IMPG2: variants seen among roughly 807,000 people sequenced by gnomAD.
The protein encoded by IMPG2 is IPM 200.
Under a neutral mutation model 129.2 loss-of-function variants are expected in IMPG2, and 91 were observed. That is an observed-to-expected ratio of 0.70 (90% CI 0.59 to 0.84). The LOEUF (loss-of-function observed/expected upper bound fraction) is 0.84, where lower values mean the gene tolerates loss of function less well. IMPG2 is among the 40% of genes least tolerant of loss of function. The pLI is 0.00. For synonymous variants in IMPG2, 510 were observed against 517.7 expected (o/e 0.99, Z 0.20); for missense variants, 1,430 against 1,461.7 (o/e 0.98, Z 0.35).
intron 7 of IMPG2, among the ~76,000 whole-genome samples, chr3:101,271,787 A>G (rs1287196285): frequency 4.6e-5 from 7 of 152,226 alleles, no homozygotes; most frequent in African/African-American, 1.7e-4. Flanking sequence ...TAGAAGAAGG[A>G]GTACTTTGAA....
chr3:101,254,620 G>A (rs1706579547), intron 10 of IMPG2, among the ~76,000 whole-genome samples: 1 of 151,994 alleles, frequency 6.6e-6, no homozygotes, highest in Admixed American at 6.6e-5. Flanking sequence ...GAGATATCAA[G>A]CAAAAGTCAA....
Position 101,260,504 on chromosome 3 carries a change from C to T in IMPG2, c.909-2731G>A, listed in dbSNP as rs763358102. The stretch of plus-strand genomic sequence containing the variant: ...AATAAAACAATAAGAGGGTCACCTA[C>T]CGATCAGAACTCACCACACCATAGT... On this transcript the variant is annotated intron_variant, in intron 9 of 18. Coordinates refer to ENST00000193391, the MANE Select transcript of IMPG2 (RefSeq NM_016247.4). Among the ~76,000 whole-genome samples the T allele has an allele frequency of 5.9e-5, 9 of 152,290 alleles. No individual in the cohort carries two copies. The South Asian group carries it at 1.0e-3, about 18-fold the overall frequency.
chr3:101,249,976 C>T (rs115118117), intron 11 of IMPG2, among the ~76,000 whole-genome samples: 1,693 of 152,150 alleles, frequency 0.011, 34 homozygotes, highest in African/African-American at 0.039. Flanking sequence ...ACTCTGGAGG[C>T]TGAGGCAGGA....
At position 101,242,927 on chromosome 3, in the gene IMPG2, T is replaced by A; in HGVS notation, c.2803-20A>T. ...AACCAGCTACAATATACAAAAGTGG[T>A]AAGTTTATTGACAGCGTGTCACATT... On this transcript the variant is annotated intron_variant, in intron 13 of 18. Transcript: ENST00000193391. The A allele has an allele frequency of 6.3e-7, 1 of 1,597,036 alleles. No individual in the cohort carries two copies. The highest frequency in any genetic ancestry group is 1.1e-5 in the South Asian group (1 of 90,712).
At chr3:101,246,766 G>C (rs1706482780) in intron 11 of IMPG2, among the ~76,000 whole-genome samples, 1 of 152,116 alleles carries the variant, frequency 6.6e-6, no homozygotes, top group Admixed American at 6.6e-5. Flanking sequence ...CACAATCCTT[G>C]AACATGTTAA....
chr3:101,267,437 T>C (rs1362983543), intron 9 of IMPG2, 74 bp downstream of exon 9: 2 of 1,241,292 alleles, frequency 1.6e-6, no homozygotes, highest in Non-Finnish European at 2.4e-6. Context: ...TATGCTCCCC[T>C]GGACCTACGG....
At position 101,243,474 on chromosome 3, in the gene IMPG2, G is replaced by A. The variant is rs921557921; in HGVS notation, c.2802+55C>T. On this transcript the variant is annotated intron_variant, in intron 13 of 18. Transcript: ENST00000193391. ...GACCTTATGTGCTAGAGGGGAGGAG[G>A]AGTCGGTCATACATGATTATTCACT... 12 of 1,474,168 alleles carry A rather than the reference G, an allele frequency of 8.1e-6. No individual in the cohort carries two copies. In the South Asian group the frequency reaches 9.2e-5, roughly 11 times the overall value. 91.3% of individuals were successfully genotyped at this position (1,474,168 alleles called of 1,614,324 possible).
intron 15 of IMPG2, 28 bp downstream of exon 15, chr3:101,232,753 A>G (rs1706303222): frequency 3.7e-6 from 6 of 1,601,040 alleles, no homozygotes; most frequent in African/African-American, 1.3e-5. Context: ...TATAGCCTCT[A>G]AAGTCAAAAT....
chr3:101,231,169 C>T (rs770024660), intron 15 of IMPG2, 24 bp from the exon 16 acceptor site: 14 of 1,611,026 alleles, frequency 8.7e-6, no homozygotes, highest in Middle Eastern at 1.7e-4. Context: ...TCACCAAGTC[C>T]GATATCTGAA....
chr3:101,307,372 G>C lies in IMPG2; in HGVS notation c.335-3060C>G, dbSNP rs570479967. Among the ~76,000 whole-genome samples the C allele has an allele frequency of 5.3e-5, 8 of 152,270 alleles. No homozygotes were observed. The South Asian group carries it at 1.0e-3, about 20-fold the overall frequency. On this transcript the variant is annotated intron_variant, in intron 2 of 18. Transcript: ENST00000193391. Reference sequence around the variant, plus strand: ...TCCTATTGTATTAGTCCATTCTCATGCTGCTATGAAGAAATGCCCAAGACT... The same window carrying C: ...TCCTATTGTATTAGTCCATTCTCATCCTGCTATGAAGAAATGCCCAAGACT...
At chr3:101,234,157 A>T (rs914851939) in intron 14 of IMPG2, among the ~76,000 whole-genome samples, 4 of 148,946 alleles carry the variant, frequency 2.7e-5, no homozygotes, top group Non-Finnish European at 5.9e-5. Flanking sequence ...TATGTAATCA[A>T]GTTAAGAAGA....
Position 101,300,367 on chromosome 3 carries a change from T to A in IMPG2, c.501+3779A>T, listed in dbSNP as rs1423701042. ...TCCCAGTGTTGGCTGTAGCCCCTCC[T>A]GCAAAGGAGTTCAAAGGGCTTAGAC... is the stretch of plus-strand genomic sequence containing the variant. On this transcript the variant is annotated intron_variant, in intron 3 of 18. Transcript: ENST00000193391. Among the ~76,000 whole-genome samples the A allele has an allele frequency of 2.0e-5, 3 of 152,196 alleles. No homozygotes were observed. In the East Asian group the frequency reaches 5.8e-4, roughly 29 times the overall value.
intron 4 of IMPG2, among the ~76,000 whole-genome samples, chr3:101,280,113 C>A (rs1441855815): frequency 6.6e-6 from 1 of 152,192 alleles, no homozygotes; most frequent in South Asian, 2.1e-4. Context: ...TAATAACATA[C>A]AACCCCTTAC....
intron 3 of IMPG2, 118 bp downstream of exon 3, chr3:101,304,028 C>T (rs775229322): frequency 1.9e-6 from 2 of 1,055,334 alleles, no homozygotes; most frequent in African/African-American, 3.1e-5. Context: ...CTCAGATAGC[C>T]CAATTCAACA....
At chr3:101,247,416 G>A (rs146906885) in intron 11 of IMPG2, among the ~76,000 whole-genome samples, 2,122 of 152,228 alleles carry the variant, frequency 0.014, 57 homozygotes, top group South Asian at 0.079. Context: ...TGATCAACAT[G>A]GAGAAACCCC....
chr3:101,244,637 A>G lies in IMPG2; in HGVS notation c.1694T>C (p.Ile565Thr). 6.2e-7 allele frequency: 1 copy of G among 1,612,794 alleles called. No homozygotes were observed. Among genetic ancestry groups the G allele is most frequent in the Non-Finnish European group, 8.5e-7 (1 of 1,179,430 alleles). Residue 565 changes from isoleucine (I) to threonine (T), a missense_variant, in exon 13 of 19, where the codon ATA becomes ACA. Ile to Thr is a moderately conservative substitution (Grantham distance 89, BLOSUM62 -1). Coordinates refer to ENST00000193391, the MANE Select transcript of IMPG2 (RefSeq NM_016247.4). ...GGTCAAGGAGTCCAAGCCAAAAGGTATAGAAGAGGTCAGATATGGTGAAGA... is the reference window on the plus strand; with the variant it reads ...GGTCAAGGAGTCCAAGCCAAAAGGTGTAGAAGAGGTCAGATATGGTGAAGA... The part of the protein sequence containing the change: ...LTSSPYLTSS[I>T]PFGLDSLTSK...
chr3:101,312,581 C>G (rs1415434070), intron 2 of IMPG2, among the ~76,000 whole-genome samples: 1 of 151,912 alleles, frequency 6.6e-6, no homozygotes, highest in Non-Finnish European at 1.5e-5. Flanking sequence ...GGATATAACA[C>G]AGTACAATCA....
chr3:101,244,907 T>G, intron 12 of IMPG2, 120 bp from the exon 13 acceptor site: 1 of 844,156 alleles, frequency 1.2e-6, no homozygotes, highest in Non-Finnish European at 1.9e-6. Flanking sequence ...ATTGTTGACT[T>G]TTGCTTTTCT....
intron 9 of IMPG2, among the ~76,000 whole-genome samples, chr3:101,260,861 C>T (rs1706661474): frequency 1.3e-5 from 2 of 152,220 alleles, no homozygotes; most frequent in East Asian, 1.9e-4. Flanking sequence ...TAGCACAATG[C>T]CTGGCTCATA....
Sources: gnomAD v4.1 joint callset for allele counts (sites outside exome capture counted in the v4.1 genomes callset) on GRCh38, gnomAD v4.1.1 for gene constraint, MANE v1.5 for transcripts, NCBI Gene and HGNC (gene_info 2026-07-23, HGNC 2026-07-21) for gene names.